The following MTCL3 variants were observed in gnomAD, a reference collection of about 807,000 sequenced individuals.
MTCL3 encodes the protein MTCL family member 3.
At chr6:127,482,834 A>G in the MTCL3 span, 9 of 1,074,510 alleles carry the variant, frequency 8.4e-6, no homozygotes, top group Non-Finnish European at 1.2e-5. The surrounding 1 kb of genome is among the most constrained non-coding windows in gnomAD (Gnocchi z 4.1). Context: ...TGGCCATTAT[A>G]TCTATTTATA....
the MTCL3 span, chr6:127,475,791 G>T: frequency 1.2e-6 from 2 of 1,611,384 alleles, no homozygotes; most frequent in Non-Finnish European, 1.7e-6. This position sits in a 1 kb window ranked among gnomAD's most constrained non-coding sequence, Gnocchi z 7.3. Flanking sequence ...GGGGGCTGCC[G>T]CGGATGCCCA....
At chr6:127,492,083 C>G in the MTCL3 span, among the ~76,000 whole-genome samples, 1 of 152,170 alleles carries the variant, frequency 6.6e-6, no homozygotes, top group East Asian at 1.9e-4. Context: ...CTGGCCTGCT[C>G]CATGAAAAGT....
chr6:127,503,983 G>A, the MTCL3 span, among the ~76,000 whole-genome samples: 1 of 151,896 alleles, frequency 6.6e-6, no homozygotes, highest in Admixed American at 6.6e-5. Flanking sequence ...TGGTTGTTGT[G>A]GACACAGTTA....
the MTCL3 span, chr6:127,516,042 C>A: frequency 6.4e-7 from 1 of 1,554,234 alleles, no homozygotes; most frequent in South Asian, 1.2e-5. Flanking sequence ...CCCTGGGCGG[C>A]GGCGGCTGCG....
At chr6:127,476,583 CAG>C in the MTCL3 span, 1 of 768,170 alleles carries the variant, frequency 1.3e-6, no homozygotes, top group Non-Finnish European at 2.0e-6. The surrounding 1 kb of genome is among the most constrained non-coding windows in gnomAD (Gnocchi z 4.4). Flanking sequence ...GATTTAATGA[CAG>C]AGAGAAACAG....
At chr6:127,480,871 G>GTC in the MTCL3 span, among the ~76,000 whole-genome samples, 1 of 152,178 alleles carries the variant, frequency 6.6e-6, no homozygotes, top group Non-Finnish European at 1.5e-5. Context: ...AGCCTGATCA[G>GTC]TCTCCTGAGG....
the MTCL3 span, among the ~76,000 whole-genome samples, chr6:127,495,128 C>T: frequency 2.6e-5 from 4 of 151,020 alleles, no homozygotes; most frequent in Non-Finnish European, 4.4e-5. Context: ...ACCTAGGAGG[C>T]GGAGCTTGCA....
the MTCL3 span, among the ~76,000 whole-genome samples, chr6:127,507,858 A>G: frequency 0.51 from 65,450 of 127,512 alleles, 16,966 homozygotes; most frequent in Non-Finnish European, 0.61. Context: ...AAAAAAAAAA[A>G]AAAAAAAAAA....
chr6:127,480,725 G>C, the MTCL3 span, among the ~76,000 whole-genome samples: 9 of 152,160 alleles, frequency 5.9e-5, no homozygotes, highest in African/African-American at 2.2e-4. Context: ...GCATAAACAA[G>C]AATTACAATA....
the MTCL3 span, among the ~76,000 whole-genome samples, chr6:127,474,284 A>AT: frequency 9.2e-5 from 14 of 151,694 alleles, no homozygotes; most frequent in South Asian, 1.5e-3. Flanking sequence ...AATTAAATTA[A>AT]TTTTTTTTAT....
At chr6:127,512,130 G>GT in the MTCL3 span, among the ~76,000 whole-genome samples, 1 of 152,084 alleles carries the variant, frequency 6.6e-6, no homozygotes, top group Non-Finnish European at 1.5e-5. Context: ...CTTGATAGGT[G>GT]TTTCTGTCTC....
chr6:127,487,069 T>G, the MTCL3 span, among the ~76,000 whole-genome samples: 13 of 152,160 alleles, frequency 8.5e-5, no homozygotes, highest in Non-Finnish European at 1.5e-5. Context: ...TCTAAGCACT[T>G]TATATGTATC....
chr6:127,496,247 C>T, the MTCL3 span, among the ~76,000 whole-genome samples: 1 of 152,164 alleles, frequency 6.6e-6, no homozygotes, highest in Non-Finnish European at 1.5e-5. Flanking sequence ...CATATTGTTA[C>T]TCAAATTGAC....
At chr6:127,515,754 A>G in the MTCL3 span, 1 of 1,600,306 alleles carries the variant, frequency 6.2e-7, no homozygotes, top group Non-Finnish European at 8.5e-7. This position sits in a 1 kb window ranked among gnomAD's most constrained non-coding sequence, Gnocchi z 4.3. Flanking sequence ...AGCTGCGGCT[A>G]CTGCTGCCGC....
At chr6:127,481,263 C>T in the MTCL3 span, 1 of 975,634 alleles carries the variant, frequency 1.0e-6, no homozygotes, top group East Asian at 1.1e-4. Flanking sequence ...AAAGAAGATT[C>T]ATGGCAACAC....
the MTCL3 span, among the ~76,000 whole-genome samples, chr6:127,494,721 C>T: frequency 1.6e-4 from 24 of 152,264 alleles, no homozygotes; most frequent in East Asian, 5.8e-4. Flanking sequence ...ATTAGAGGGT[C>T]TGTCAAACTG....
the MTCL3 span, among the ~76,000 whole-genome samples, chr6:127,495,777 T>C: frequency 6.6e-6 from 1 of 152,238 alleles, no homozygotes; most frequent in Non-Finnish European, 1.5e-5. Context: ...AGCCCACAAT[T>C]ACACTTTAAA....
chr6:127,487,449 G>A, the MTCL3 span, among the ~76,000 whole-genome samples: 7 of 152,156 alleles, frequency 4.6e-5, no homozygotes, highest in African/African-American at 9.7e-5. Flanking sequence ...GTAACACTGG[G>A]AGGGAGGCCC....
At chr6:127,502,413 T>C in the MTCL3 span, among the ~76,000 whole-genome samples, 2 of 152,296 alleles carry the variant, frequency 1.3e-5, no homozygotes, top group Admixed American at 1.3e-4. Flanking sequence ...TATCTCCCTG[T>C]CCATCAAAAC....
Sources: allele counts gnomAD v4.1 joint callset (sites outside exome capture counted in the v4.1 genomes callset), GRCh38; gene constraint gnomAD v4.1.1; non-coding constraint Gnocchi (gnomAD v3.1); transcripts MANE v1.5; gene names NCBI Gene and HGNC (gene_info 2026-07-23, HGNC 2026-07-21).